Variants in CHRNE observed in about 807,000 individuals in gnomAD.
The protein encoded by CHRNE is cholinergic receptor nicotinic epsilon subunit.
Under a neutral mutation model 56.5 loss-of-function variants are expected in CHRNE, and 58 were observed. The ratio of observed to expected loss-of-function variants is 1.03; its 90% confidence interval spans 0.83 to 1.28. CHRNE has a LOEUF of 1.28. CHRNE is among the 50% of genes most tolerant of loss of function. The probability of loss-of-function intolerance (pLI) is 0.00; values close to 1 mark genes in which losing one functional copy is unlikely to be tolerated. For missense variants in CHRNE, 793 were observed against 688.9 expected (o/e 1.15, Z -1.69); for synonymous variants, 385 against 297.9 (o/e 1.29, Z -3.01).
At chr17:4,908,321 G>A (rs1489028809) in intron 1 of CHRNE, among the ~76,000 whole-genome samples, 1 of 152,224 alleles carries the variant, frequency 6.6e-6, no homozygotes, top group Non-Finnish European at 1.5e-5. Context: ...GCATTCACCT[G>A]AGAGCCAGGG....
At chr17:4,899,965 C>T in intron 8 of CHRNE, 10 of 1,551,490 alleles carry the variant, frequency 6.4e-6, no homozygotes, top group Admixed American at 3.9e-5. Context: ...TTCTGTCTTC[C>T]CTGGAACTCT....
chr17:4,899,257 T>C lies in CHRNE; in HGVS notation c.1160A>G (p.Lys387Arg). 6.2e-7 allele frequency: 1 copy of C among 1,605,598 alleles called. No individual in the cohort carries two copies. Among genetic ancestry groups the C allele is most frequent in the Non-Finnish European group, 8.5e-7 (1 of 1,179,084 alleles). The change falls in exon 10 of 12, where the codon AAA becomes AGA. Residue 387 changes from lysine (K) to arginine (R), a missense_variant. Lys to Arg is a conservative substitution (Grantham distance 26). Coordinates refer to ENST00000649488, the MANE Select transcript of CHRNE (RefSeq NM_000080.4). Reference protein sequence around the residue: ...LLLRAEELILKKPRSELVFEG... With the variant: ...LLLRAEELILRKPRSELVFEG... ...AAACACGAGCTCGCTCCGTGGCTTT[T>C]TCAGTATCAGCTCCTCCGCGCGGAG...
chr17:4,900,838 G>A lies in CHRNE; in HGVS notation c.872C>T (p.Ala291Val), dbSNP rs1567638378. Residue 291 changes from alanine (A) to valine (V), a missense_variant, in exon 8 of 12, where the codon GCC (alanine) becomes GTC (valine). Physicochemically the swap from Ala to Val is moderately conservative, Grantham distance 64 (BLOSUM62 0). Transcript: ENST00000649488. ...LAQTVFLFLI[A>V]QKIPETSLSV... ...CAGAGAAGTCTCTGGGATTTTCTGG[G>A]CAATGAGGAACAAGAAGACGGTCTG... 1 of 1,614,180 alleles carries A rather than the reference G, an allele frequency of 6.2e-7. No homozygotes were observed. The highest frequency in any genetic ancestry group is 8.5e-7 in the Non-Finnish European group (1 of 1,180,002).
At position 4,899,261 on chromosome 17, in the gene CHRNE, G is replaced by A. The variant is rs752358041; in HGVS notation, c.1156C>T (p.Leu386=). Residue 386 remains leucine (L), a synonymous_variant, in exon 10 of 12, where the codon CTG becomes TTG. Transcript: ENST00000649488. ...ACGAGCTCGCTCCGTGGCTTTTTCA[G>A]TATCAGCTCCTCCGCGCGGAGCAAT... ...GLLLRAEELI[L]KKPRSELVFE... is the part of the protein sequence containing the mutation. The A allele has an allele frequency of 3.1e-6, 5 of 1,604,718 alleles. No individual in the cohort carries two copies. The highest frequency in any genetic ancestry group is 1.7e-5 in the Admixed American group (1 of 59,910).
chr17:4,898,492 G>A lies in CHRNE; in HGVS notation c.*244C>T. 1.7e-6 allele frequency: 1 copy of A among 579,638 alleles called. No homozygotes were observed. The highest frequency in any genetic ancestry group is 3.1e-6 in the Non-Finnish European group (1 of 324,554). 35.9% of individuals were successfully genotyped at this position (579,638 alleles called of 1,614,324 possible). A position where few individuals can be genotyped will look rare whatever the true frequency, so the allele number is the denominator to read the frequency against. ...GGGAGGTCAGCAAGGCTGAATGAAG[G>A]GCAGTCCTTGCTTTCTGGAAGACTG... On this transcript the variant is annotated 3_prime_UTR_variant, in exon 12 of 12. Coordinates refer to ENST00000649488, the MANE Select transcript of CHRNE (RefSeq NM_000080.4).
chr17:4,903,034 G>C lies in CHRNE; in HGVS notation c.30C>G (p.Leu10=). 1 of 1,614,034 alleles carries C rather than the reference G, an allele frequency of 6.2e-7. No individual in the cohort carries two copies. The highest frequency in any genetic ancestry group is 8.5e-7 in the Non-Finnish European group (1 of 1,180,014). ...TGTCCGTACCGAGAAGCCCCAAGAG[G>C]AGCAGGACCCCAAGCGGAGCCCTTG... MARAPLGVL[L]LLGLLGRGVG... The change falls in exon 1 of 12, where the codon CTC becomes CTG. Residue 10 remains leucine (L), a synonymous_variant. Transcript: ENST00000649488.
chr17:4,901,448 G>A (rs1969981649), intron 6 of CHRNE, 77 bp downstream of exon 6: 1 of 1,382,766 alleles, frequency 7.2e-7, no homozygotes. Flanking sequence ...TCGTTGGTCC[G>A]GGGCAAGCCC....
chr17:4,898,576 C>T lies in CHRNE; in HGVS notation c.*160G>A. The T allele has an allele frequency of 1.0e-6, 1 of 997,838 alleles. No homozygotes were observed. Among genetic ancestry groups the T allele is most frequent in the South Asian group, 1.5e-5 (1 of 66,720 alleles). 61.8% of individuals were successfully genotyped at this position (997,838 alleles called of 1,614,324 possible). ...GCTGACCCCTGGACTGCGGCCAGGC[C>T]TACACACGCCAGGGAACGGGCACAC... On this transcript the variant is annotated 3_prime_UTR_variant, in exon 12 of 12. Transcript: ENST00000649488.
Sources: gnomAD v4.1 joint callset for allele counts (sites outside exome capture counted in the v4.1 genomes callset) on GRCh38, gnomAD v4.1.1 for gene constraint, MANE v1.5 for transcripts, NCBI Gene and HGNC (gene_info 2026-07-23, HGNC 2026-07-21) for gene names.